XNDC1N: variants seen among roughly 807,000 people sequenced by gnomAD.
XNDC1N encodes the protein XRCC1 N-terminal domain containing 1, N-terminal like.
chr11:71,882,793 G>T, the XNDC1N span, among the ~76,000 whole-genome samples: 1 of 152,018 alleles, frequency 6.6e-6, no homozygotes, highest in East Asian at 1.9e-4. Flanking sequence ...ACTGTTGGGG[G>T]GTGGGAATGA....
At chr11:71,900,118 C>T in the XNDC1N span, among the ~76,000 whole-genome samples, 1 of 152,272 alleles carries the variant, frequency 6.6e-6, no homozygotes, top group African/African-American at 2.4e-5. Context: ...CTATTGCTCA[C>T]ATCTTCGTTG....
chr11:71,880,969 G>A, the XNDC1N span, among the ~76,000 whole-genome samples: 2 of 152,216 alleles, frequency 1.3e-5, no homozygotes, highest in Admixed American at 1.3e-4. Flanking sequence ...GTGATGAGGA[G>A]AAGAATGTGT....
At chr11:71,907,356 C>G in the XNDC1N span, among the ~76,000 whole-genome samples, 2 of 151,548 alleles carry the variant, frequency 1.3e-5, no homozygotes, top group African/African-American at 2.4e-5. Context: ...TGAGGCGCCC[C>G]CCGCGATGCG....
the XNDC1N span, among the ~76,000 whole-genome samples, chr11:71,919,605 G>GTTTT: frequency 1.3e-3 from 14 of 10,920 alleles, no homozygotes; most frequent in Non-Finnish European, 2.6e-3. Context: ...GGCCAGGTTG[G>GTTTT]TTTTTTTTTT....
the XNDC1N span, chr11:71,884,539 T>G: frequency 6.2e-7 from 1 of 1,607,060 alleles, no homozygotes; most frequent in South Asian, 1.1e-5. Context: ...ATCATTCAAA[T>G]TGATGGACAA....
At chr11:71,882,075 C>G in the XNDC1N span, among the ~76,000 whole-genome samples, 3 of 151,564 alleles carry the variant, frequency 2.0e-5, no homozygotes, top group Non-Finnish European at 4.4e-5. Context: ...TGCCAAAAAT[C>G]AAAGACGAAA....
chr11:71,918,960 G>A, the XNDC1N span: 1 of 702,840 alleles, frequency 1.4e-6, no homozygotes, highest in Non-Finnish European at 2.6e-6. Flanking sequence ...TTGTCCTGAG[G>A]GCAGCCGAGC....
the XNDC1N span, among the ~76,000 whole-genome samples, chr11:71,924,079 T>G: frequency 6.6e-6 from 1 of 152,234 alleles, no homozygotes; most frequent in Non-Finnish European, 1.5e-5. Context: ...TAGAGCCTAG[T>G]ACATAGTAAG....
chr11:71,877,459 A>T, the XNDC1N span, among the ~76,000 whole-genome samples: 1 of 152,164 alleles, frequency 6.6e-6, no homozygotes, highest in Non-Finnish European at 1.5e-5. Flanking sequence ...CCAACATGGC[A>T]AGACACTATT....
chr11:71,903,450 C>G, the XNDC1N span: 84 of 919,980 alleles, frequency 9.1e-5, no homozygotes, highest in East Asian at 1.8e-3. Flanking sequence ...CATCCAGTCT[C>G]ACAGCAGAGT....
chr11:71,889,392 C>G, the XNDC1N span, among the ~76,000 whole-genome samples: 34 of 152,328 alleles, frequency 2.2e-4, no homozygotes, highest in East Asian at 6.0e-3. Context: ...CTCAGAGGCT[C>G]GAAAAGCAGC....
the XNDC1N span, among the ~76,000 whole-genome samples, chr11:71,870,088 T>C: frequency 6.6e-6 from 1 of 152,182 alleles, no homozygotes; most frequent in Non-Finnish European, 1.5e-5. Flanking sequence ...AATTCCCATT[T>C]ATAAAATCAT....
chr11:71,903,371 T>A, the XNDC1N span: 4,957 of 1,461,510 alleles, frequency 3.4e-3, 26 homozygotes, highest in South Asian at 5.1e-3. Context: ...CCCATGTACT[T>A]CTTCCTCTCC....
At chr11:71,924,784 AG>A in the XNDC1N span, among the ~76,000 whole-genome samples, 2 of 152,356 alleles carry the variant, frequency 1.3e-5, no homozygotes, top group African/African-American at 4.8e-5. Flanking sequence ...CACACATATT[AG>A]TATAATGAAC....
chr11:71,907,191 C>G, the XNDC1N span, among the ~76,000 whole-genome samples: 1 of 152,082 alleles, frequency 6.6e-6, no homozygotes, highest in East Asian at 1.9e-4. Flanking sequence ...AGGGTGTATA[C>G]CCCCGGGACT....
the XNDC1N span, among the ~76,000 whole-genome samples, chr11:71,901,978 A>T: frequency 0.025 from 3,875 of 152,208 alleles, 49 homozygotes; most frequent in East Asian, 0.074. Context: ...CCTGCATTCC[A>T]GACAGGACAT....
chr11:71,905,208 G>A, the XNDC1N span, among the ~76,000 whole-genome samples: 3 of 151,818 alleles, frequency 2.0e-5, no homozygotes, highest in South Asian at 4.1e-4. Context: ...AGGATCTTAC[G>A]AATATTATCA....
the XNDC1N span, chr11:71,918,884 C>T: frequency 8.5e-6 from 6 of 702,358 alleles, no homozygotes; most frequent in East Asian, 1.6e-4. Context: ...AGAGAACTCA[C>T]CCACATCAAT....
chr11:71,897,393 A>G, the XNDC1N span, among the ~76,000 whole-genome samples: 1 of 152,204 alleles, frequency 6.6e-6, no homozygotes, highest in Non-Finnish European at 1.5e-5. Context: ...AAGAAACCCA[A>G]AGCATCCCAT....
Sources: gnomAD v4.1 joint callset for allele counts (sites outside exome capture counted in the v4.1 genomes callset) on GRCh38, gnomAD v4.1.1 for gene constraint, MANE v1.5 for transcripts, NCBI Gene and HGNC (gene_info 2026-07-23, HGNC 2026-07-21) for gene names.